The following IL1RAPL1 variants were observed in gnomAD, a reference collection of about 807,000 sequenced individuals.
The protein encoded by IL1RAPL1 is interleukin 1 receptor accessory protein like 1, also known as interleukin-1 receptor accessory protein-like 1.
In IL1RAPL1, 3 loss-of-function variants were observed where a neutral mutation model predicts 48.4. The ratio of observed to expected loss-of-function variants is 0.06; its 90% confidence interval spans 0.03 to 0.16. The LOEUF (loss-of-function observed/expected upper bound fraction) is 0.16. Among genes scored for constraint, IL1RAPL1 ranks in the 10% least tolerant of loss-of-function variants. The pLI is 1.00. For missense variants in IL1RAPL1, 349 were observed against 530.6 expected (o/e 0.66, Z 3.36); for synonymous variants, 185 against 187.7 (o/e 0.99, Z 0.12).
intron 2 of IL1RAPL1, among the ~76,000 whole-genome samples, chrX:29,229,718 T>G: frequency 8.9e-6 from 1 of 112,413 alleles, no homozygotes; most frequent in Non-Finnish European, 1.9e-5. Context: ...AGCATAAATT[T>G]CTCAGCACAA....
intron 1 of IL1RAPL1, among the ~76,000 whole-genome samples, chrX:28,731,211 T>G (rs1410669329): frequency 8.9e-6 from 1 of 112,124 alleles, no homozygotes; most frequent in Non-Finnish European, 1.9e-5. Context: ...ATTTTGATTT[T>G]TTTTCTTTTT....
At chrX:29,496,473 T>A in intron 5 of IL1RAPL1, among the ~76,000 whole-genome samples, 1 of 95,598 alleles carries the variant, frequency 1.0e-5, no homozygotes, top group African/African-American at 4.3e-5. Flanking sequence ...TTATTCCTTT[T>A]TTTTTTTTTT....
At chrX:29,528,070 T>A (rs1320599654) in intron 5 of IL1RAPL1, among the ~76,000 whole-genome samples, 1 of 112,261 alleles carries the variant, frequency 8.9e-6, no homozygotes, top group African/African-American at 3.2e-5. Context: ...CGAAATGTTC[T>A]GAAACAAATG....
intron 2 of IL1RAPL1, among the ~76,000 whole-genome samples, chrX:29,251,205 C>A (rs1413040820): frequency 8.8e-6 from 1 of 113,976 alleles, no homozygotes; most frequent in Non-Finnish European, 1.9e-5. Context: ...AATAGTACGT[C>A]AGTGTATATA....
At chrX:29,559,559 G>T (rs1922117928) in intron 5 of IL1RAPL1, among the ~76,000 whole-genome samples, 2 of 111,284 alleles carry the variant, frequency 1.8e-5, no homozygotes, top group Non-Finnish European at 3.8e-5. Context: ...GTCTTGGTAG[G>T]CTATATGCTT....
intron 3 of IL1RAPL1, among the ~76,000 whole-genome samples, chrX:29,341,767 A>C (rs1485333136): frequency 9.0e-6 from 1 of 111,325 alleles, no homozygotes; most frequent in Non-Finnish European, 1.9e-5. Context: ...AAATGAAAAA[A>C]TGAATTAATA....
intron 2 of IL1RAPL1, among the ~76,000 whole-genome samples, chrX:28,815,827 A>T (rs868750431): frequency 5.2e-5 from 3 of 57,843 alleles, no homozygotes; most frequent in African/African-American, 6.6e-5. Context: ...TTGTGTATGT[A>T]TGTGTGTTTA....
At chrX:29,619,180 T>C (rs942697937) in intron 5 of IL1RAPL1, among the ~76,000 whole-genome samples, 8 of 111,891 alleles carry the variant, frequency 7.1e-5, no homozygotes, top group Non-Finnish European at 1.5e-4. Flanking sequence ...AGTGCTTGGG[T>C]TTGTATATTC....
intron 1 of IL1RAPL1, among the ~76,000 whole-genome samples, chrX:28,693,040 A>T (rs753898350): frequency 8.9e-6 from 1 of 112,146 alleles, no homozygotes; most frequent in South Asian, 3.7e-4. Flanking sequence ...AATTTTTTTC[A>T]TTAACTTTTG....
At chrX:29,014,896 G>A (rs1178110138) in intron 2 of IL1RAPL1, among the ~76,000 whole-genome samples, 1 of 111,371 alleles carries the variant, frequency 9.0e-6, no homozygotes, top group Non-Finnish European at 1.9e-5. Flanking sequence ...AATCTTTGGA[G>A]TCAGACATAG....
At chrX:29,218,954 A>G (rs1211858130) in intron 2 of IL1RAPL1, among the ~76,000 whole-genome samples, 2 of 112,624 alleles carry the variant, frequency 1.8e-5, no homozygotes, top group Non-Finnish European at 3.8e-5. Flanking sequence ...AGTAAAAACT[A>G]GTATTTCTGA....
At chrX:29,611,533 A>G (rs1039195152) in intron 5 of IL1RAPL1, among the ~76,000 whole-genome samples, 1 of 111,388 alleles carries the variant, frequency 9.0e-6, no homozygotes, top group African/African-American at 3.3e-5. Flanking sequence ...TACCCTGACC[A>G]CCTTGGGCAC....
intron 2 of IL1RAPL1, among the ~76,000 whole-genome samples, chrX:28,922,311 A>C (rs970436764): frequency 1.2e-4 from 13 of 112,214 alleles, no homozygotes; most frequent in African/African-American, 4.2e-4. Flanking sequence ...TGGGCAATGT[A>C]GTCCTGCAAT....
chrX:29,397,605 T>C (rs760462200), intron 4 of IL1RAPL1, among the ~76,000 whole-genome samples: 2 of 110,665 alleles, frequency 1.8e-5, no homozygotes, highest in Non-Finnish European at 3.8e-5. Context: ...CTTTTTTTAA[T>C]TGTTGGAGTA....
intron 2 of IL1RAPL1, among the ~76,000 whole-genome samples, chrX:29,099,383 A>G (rs1040151216): frequency 8.9e-6 from 1 of 112,113 alleles, no homozygotes; most frequent in Non-Finnish European, 1.9e-5. Context: ...TATTAATAAT[A>G]CTATTATAGG....
At chrX:29,783,030 A>T (rs761815918) in intron 6 of IL1RAPL1, among the ~76,000 whole-genome samples, 1 of 100,712 alleles carries the variant, frequency 9.9e-6, no homozygotes, top group East Asian at 3.1e-4. Context: ...TCAGCCTCCC[A>T]AGTAGCTGGG....
intron 5 of IL1RAPL1, among the ~76,000 whole-genome samples, chrX:29,555,354 G>A (rs916119629): frequency 2.7e-5 from 3 of 112,476 alleles, no homozygotes; most frequent in Non-Finnish European, 1.9e-5. Flanking sequence ...CTTACAGACA[G>A]TGAGTTTGAA....
At chrX:29,854,536 T>G (rs2147200457) in intron 6 of IL1RAPL1, among the ~76,000 whole-genome samples, 1 of 111,500 alleles carries the variant, frequency 9.0e-6, no homozygotes, top group Admixed American at 9.6e-5. Context: ...CCACCCAAGG[T>G]CAGGATTGGG....
At chrX:28,675,712 G>A (rs1056576515) in intron 1 of IL1RAPL1, among the ~76,000 whole-genome samples, 1 of 111,788 alleles carries the variant, frequency 8.9e-6, no homozygotes, top group Non-Finnish European at 1.9e-5. Flanking sequence ...GGTGGGATGA[G>A]GAAGGCAGTA....
Sources: gnomAD v4.1 joint callset for allele counts (sites outside exome capture counted in the v4.1 genomes callset) on GRCh38, gnomAD v4.1.1 for gene constraint, MANE v1.5 for transcripts, NCBI Gene and HGNC (gene_info 2026-07-23, HGNC 2026-07-21) for gene names.